WDR72: variants seen among roughly 807,000 people sequenced by gnomAD.
The protein encoded by WDR72 is WD repeat-containing protein 72.
Under a neutral mutation model 124.2 loss-of-function variants are expected in WDR72, and 120 were observed. That is an observed-to-expected ratio of 0.97 (90% confidence interval 0.83 to 1.12). The LOEUF (loss-of-function observed/expected upper bound fraction) is 1.12. Ranked by LOEUF, WDR72 falls within the 50% of genes most tolerant of loss-of-function variation. WDR72 has a pLI of 0.00. For synonymous variants in WDR72, 452 were observed against 441.7 expected, an observed-to-expected ratio of 1.02 and a Z score of -0.29; for missense variants, 1,387 against 1,278.8, an observed-to-expected ratio of 1.08 and a Z score of -1.29.
intron 1 of WDR72, among the ~76,000 whole-genome samples, chr15:53,744,630 T>C (rs2018597799): frequency 6.6e-6 from 1 of 152,228 alleles, no homozygotes; most frequent in Non-Finnish European, 1.5e-5. Flanking sequence ...AAACTGTACA[T>C]TACAGCTGGA....
At chr15:53,558,899 C>T (rs8026398) in intron 18 of WDR72, among the ~76,000 whole-genome samples, 73,061 of 151,738 alleles carry the variant, frequency 0.48, 18,705 homozygotes, top group Middle Eastern at 0.61. Context: ...TGAAACTTAA[C>T]TTTTTAGCCT....
chr15:53,759,818 C>T (rs1174284372), upstream of WDR72, among the ~76,000 whole-genome samples: 2 of 151,558 alleles, frequency 1.3e-5, no homozygotes, highest in Non-Finnish European at 2.9e-5. Flanking sequence ...CTCTCCCTTC[C>T]TGCAACCTGG....
rs1472126746 is a variant in WDR72 at position 53,577,663 on chromosome 15, G to GAAAC, written c.3148+19412_3148+19415dup. Among the ~76,000 whole-genome samples, 4 of 152,202 alleles carry GAAAC rather than the reference G, an allele frequency of 2.6e-5. No individual in the cohort carries two copies. In the East Asian group the frequency reaches 5.8e-4, roughly 22 times the overall value. On this transcript the variant is annotated intron_variant, in intron 18 of 19. Coordinates refer to ENST00000360509, the MANE Select transcript of WDR72 (RefSeq NM_182758.4). ...GCATCTATATATGATGCCTTAATGG[G>GAAAC]AAACAGTTTCTTTTCCTTAGTTGCC... is the stretch of plus-strand genomic sequence containing the variant.
At chr15:53,541,802 G>C (rs1453120964) in intron 18 of WDR72, among the ~76,000 whole-genome samples, 1 of 111,284 alleles carries the variant, frequency 9.0e-6, no homozygotes, top group Non-Finnish European at 1.9e-5. Context: ...GCTTAAAGGA[G>C]CTGATGGAGC....
chr15:53,644,419 AT>A (rs1300438246), intron 14 of WDR72, among the ~76,000 whole-genome samples: 1 of 152,088 alleles, frequency 6.6e-6, no homozygotes, highest in Non-Finnish European at 1.5e-5. Flanking sequence ...TTTTTAAAGG[AT>A]TTTTTAAGCC....
rs2017512664 is a variant in WDR72 at position 53,710,840 on chromosome 15, C to G, written c.954+17G>C. ...GAGTGAAACAGCTTTGAGGCAGTCA[C>G]TCTTTTCTTGCATTACCTTATTTTC... On this transcript the variant is annotated intron_variant, in intron 9 of 19. Transcript: ENST00000360509. The G allele has an allele frequency of 1.3e-6, 2 of 1,586,398 alleles. No individual in the cohort carries two copies. The highest frequency in any genetic ancestry group is 1.7e-6 in the Non-Finnish European group (2 of 1,154,726).
At chr15:53,682,428 T>A (rs532245146) in intron 13 of WDR72, among the ~76,000 whole-genome samples, 1 of 152,288 alleles carries the variant, frequency 6.6e-6, no homozygotes, top group East Asian at 1.9e-4. Context: ...CTTACATGCC[T>A]CTCTTCAGTG....
At chr15:53,662,423 A>G (rs2015639201) in intron 14 of WDR72, among the ~76,000 whole-genome samples, 2 of 152,186 alleles carry the variant, frequency 1.3e-5, no homozygotes, top group Non-Finnish European at 2.9e-5. Context: ...CAGCATTCTA[A>G]TAAAGTCCTA....
intron 17 of WDR72, among the ~76,000 whole-genome samples, chr15:53,606,692 G>A (rs751441931): frequency 5.3e-5 from 8 of 152,148 alleles, no homozygotes; most frequent in African/African-American, 9.7e-5. Context: ...TAAGGAGATC[G>A]ATTTTTTAAG....
At position 53,722,541 on chromosome 15, in the gene WDR72, A is replaced by C. The variant is rs959504604; in HGVS notation, c.260+261T>G. 3.3e-5 allele frequency among the ~76,000 whole-genome samples: 5 copies of C among 152,218 alleles called. No homozygotes were observed. In the East Asian group the frequency reaches 9.6e-4, roughly 29 times the overall value. On this transcript the variant is annotated intron_variant, in intron 3 of 19. Coordinates refer to ENST00000360509, the MANE Select transcript of WDR72 (RefSeq NM_182758.4). ...CTGACCCTCACCCAGTAAGAGTGCTACAAGTTCTGATACACATGTTGAGAT... is the reference window on the plus strand; with the variant it reads ...CTGACCCTCACCCAGTAAGAGTGCTCCAAGTTCTGATACACATGTTGAGAT...
chr15:53,648,225 C>G (rs965408723), intron 14 of WDR72, among the ~76,000 whole-genome samples: 35 of 152,210 alleles, frequency 2.3e-4, no homozygotes, highest in African/African-American at 7.9e-4. Flanking sequence ...AGGAAAGATA[C>G]TTGTCTCATG....
chr15:53,628,706 C>G (rs2140390361), intron 14 of WDR72, among the ~76,000 whole-genome samples: 1 of 152,148 alleles, frequency 6.6e-6, no homozygotes, highest in African/African-American at 2.4e-5. Context: ...GACAAATTAA[C>G]AAATTCTAAA....
rs150997630 is a variant in WDR72 at position 53,732,949 on chromosome 15, C to T, written c.153+48G>A. ...TTGCAGATAGAAAATGCAAGTTGTC[C>T]GTATTTTGTGAGTGGTGTCTGTTTC... On this transcript the variant is annotated intron_variant, in intron 2 of 19. Transcript: ENST00000360509. The T allele has an allele frequency of 1.7e-3, 2,679 of 1,609,944 alleles. 10 individuals carry two copies. Among genetic ancestry groups the T allele is most frequent in the Non-Finnish European group, 2.1e-3 (2,444 of 1,176,626 alleles).
intron 17 of WDR72, among the ~76,000 whole-genome samples, chr15:53,599,908 T>A (rs190690853): frequency 6.6e-6 from 1 of 152,158 alleles, no homozygotes; most frequent in African/African-American, 2.4e-5. Context: ...ATTATAAGAA[T>A]AATGATACGA....
chr15:53,743,899 C>T (rs113739925), intron 1 of WDR72, among the ~76,000 whole-genome samples: 9,159 of 151,068 alleles, frequency 0.061, 964 homozygotes, highest in African/African-American at 0.21. Flanking sequence ...GGCGTGAACC[C>T]GGGAGGCGGA....
Position 53,602,686 on chromosome 15 carries a change from G to A in WDR72, c.2953-5412C>T, listed in dbSNP as rs559266554. Among the ~76,000 whole-genome samples, 8 of 151,790 alleles carry A rather than the reference G, an allele frequency of 5.3e-5. No individual in the cohort carries two copies. In the East Asian group the frequency reaches 7.8e-4, roughly 15 times the overall value. On this transcript the variant is annotated intron_variant, in intron 17 of 19. Transcript: ENST00000360509. ...CTGACCCAACAGAAAAGCAATCCTC[G>A]GAGAATATTATAAGCTAGTAATATA... is the stretch of plus-strand genomic sequence containing the variant.
At chr15:53,579,048 G>A (rs183985472) in intron 18 of WDR72, among the ~76,000 whole-genome samples, 6 of 152,202 alleles carry the variant, frequency 3.9e-5, no homozygotes, top group Admixed American at 3.3e-4. Context: ...CTGCTGGACT[G>A]TTGCATGGAC....
At chr15:53,557,006 G>C (rs920746361) in intron 18 of WDR72, among the ~76,000 whole-genome samples, 3 of 152,022 alleles carry the variant, frequency 2.0e-5, no homozygotes, top group Non-Finnish European at 4.4e-5. Context: ...GATAAAAAAG[G>C]AAAGATGAAT....
At chr15:53,542,874 A>C (rs1389570889) in intron 18 of WDR72, among the ~76,000 whole-genome samples, 21 of 133,732 alleles carry the variant, frequency 1.6e-4, no homozygotes, top group African/African-American at 5.4e-4. Flanking sequence ...CTTTAAACCA[A>C]CAAAGATCAA....
Sources: allele counts gnomAD v4.1 joint callset (sites outside exome capture counted in the v4.1 genomes callset), GRCh38; gene constraint gnomAD v4.1.1; transcripts MANE v1.5; gene names NCBI Gene and HGNC (gene_info 2026-07-23, HGNC 2026-07-21).